Variants in GPD2 observed in about 807,000 individuals in gnomAD.
The protein encoded by GPD2 is glycerol-3-phosphate dehydrogenase, mitochondrial.
Under a neutral mutation model 82.4 loss-of-function variants are expected in GPD2, and 54 were observed. The observed-to-expected ratio is 0.66, with a 90% CI of 0.53 to 0.82. The LOEUF is 0.82. Ranked by LOEUF, GPD2 falls within the 40% of genes least tolerant of loss-of-function variation. GPD2 has a pLI of 0.00. For missense variants in GPD2, 748 were observed against 896.2 expected, an observed-to-expected ratio of 0.83 and a Z score of 2.11; for synonymous variants, 288 against 306.1, an observed-to-expected ratio of 0.94 and a Z score of 0.62.
At chr2:156,401,484 G>A in the GPD2 span, among the ~76,000 whole-genome samples, 1 of 152,134 alleles carries the variant, frequency 6.6e-6, no homozygotes, top group Non-Finnish European at 1.5e-5. Context: ...CAATCACCTA[G>A]CCTATCTTCA....
At chr2:156,568,990 CTTT>C (rs36082652) in intron 10 of GPD2, 31 bp downstream of exon 10, 3,460 of 1,242,850 alleles carry the variant, frequency 2.8e-3, no homozygotes, top group Non-Finnish European at 3.1e-3. Context: ...ATTTTCTTTT[CTTT>C]TTTTTTTTTT....
rs1558967424 is a variant in GPD2, at chr2:156,570,230, G to A, written c.1608+12G>A. On this transcript the variant is annotated intron_variant, in intron 12 of 16. Coordinates refer to ENST00000438166, the MANE Select transcript of GPD2 (RefSeq NM_000408.5). ...ATATTGAAGCAGAGGTATGTGAATGGTCACATAGGAATTTCATGTCTGCCA... is the reference window on the plus strand; with the variant it reads ...ATATTGAAGCAGAGGTATGTGAATGATCACATAGGAATTTCATGTCTGCCA... 5 of 1,607,316 alleles carry A rather than the reference G, an allele frequency of 3.1e-6. 1 individual carries two copies. Among genetic ancestry groups the A allele is most frequent in the South Asian group, 2.2e-5 (2 of 90,940 alleles).
intron 1 of GPD2, among the ~76,000 whole-genome samples, chr2:156,450,214 G>A (rs751659445): frequency 2.1e-4 from 32 of 152,210 alleles, no homozygotes; most frequent in Non-Finnish European, 3.8e-4. Context: ...GATATAAAGT[G>A]TTCTGCTTTG....
At chr2:156,467,158 CT>C (rs1027671097) in intron 1 of GPD2, among the ~76,000 whole-genome samples, 6 of 151,108 alleles carry the variant, frequency 4.0e-5, no homozygotes, top group African/African-American at 1.5e-4. Context: ...AAATTGTTTA[CT>C]TTCTCTTGGG....
chr2:156,504,394 A>C (rs914030676), intron 3 of GPD2, among the ~76,000 whole-genome samples: 1 of 146,692 alleles, frequency 6.8e-6, no homozygotes, highest in African/African-American at 2.5e-5. Context: ...ACTCACCTTT[A>C]AAAAAAAAAA....
chr2:156,476,332 G>A (rs955778162), intron 2 of GPD2, 125 bp downstream of exon 2: 9 of 706,328 alleles, frequency 1.3e-5, no homozygotes, highest in African/African-American at 5.3e-5. Context: ...AGTTTGATCT[G>A]AAAGATACTA....
At chr2:156,542,776 T>C (rs1460390027) in intron 6 of GPD2, among the ~76,000 whole-genome samples, 1 of 152,206 alleles carries the variant, frequency 6.6e-6, no homozygotes, top group East Asian at 1.9e-4. Flanking sequence ...CTTGCTTAAC[T>C]TGAACACTTT....
chr2:156,530,069 G>A (rs1685787927), intron 6 of GPD2, among the ~76,000 whole-genome samples: 1 of 149,300 alleles, frequency 6.7e-6, no homozygotes, highest in Non-Finnish European at 1.5e-5. Flanking sequence ...TCCTACCCAT[G>A]AGCATGGAAT....
At chr2:156,512,871 A>G (rs1419561379) in intron 5 of GPD2, among the ~76,000 whole-genome samples, 1 of 152,194 alleles carries the variant, frequency 6.6e-6, no homozygotes, top group African/African-American at 2.4e-5. Flanking sequence ...TAGATTATGT[A>G]ACTCTTTTAG....
chr2:156,454,188 C>T (rs1682713189), intron 1 of GPD2, among the ~76,000 whole-genome samples: 1 of 152,098 alleles, frequency 6.6e-6, no homozygotes, highest in Non-Finnish European at 1.5e-5. Context: ...GAAATGGTAA[C>T]CTGCTGATGT....
intron 2 of GPD2, among the ~76,000 whole-genome samples, chr2:156,482,175 T>C (rs953027648): frequency 2.0e-5 from 3 of 152,234 alleles, no homozygotes; most frequent in African/African-American, 7.2e-5. Flanking sequence ...ACGGATACTT[T>C]GTTAAAACTT....
At chr2:156,517,833 A>G (rs745937567) in intron 6 of GPD2, among the ~76,000 whole-genome samples, 6 of 152,130 alleles carry the variant, frequency 3.9e-5, no homozygotes, top group Non-Finnish European at 8.8e-5. Context: ...AATCTAGTAC[A>G]CAGAAAATGA....
chr2:156,463,281 A>ATT (rs200512031), intron 1 of GPD2, among the ~76,000 whole-genome samples: 1 of 150,786 alleles, frequency 6.6e-6, no homozygotes, highest in African/African-American at 2.4e-5. Context: ...AGAATACAGA[A>ATT]TTTTTTTTTT....
chr2:156,488,073 G>A (rs1684011338), intron 2 of GPD2, among the ~76,000 whole-genome samples: 1 of 152,184 alleles, frequency 6.6e-6, no homozygotes, highest in Non-Finnish European at 1.5e-5. Context: ...TACCCCAGAA[G>A]GATGGGCTCC....
chr2:156,550,743 A>G lies in GPD2; in HGVS notation c.968A>G (p.Tyr323Cys), dbSNP rs1376204781. ...AGVHIVMPGY[Y>C]SPESMGLLDP... The stretch of plus-strand genomic sequence containing the variant: ...GTCCATATTGTGATGCCTGGTTATT[A>G]CAGGTAATTGTCTTCCAATGTGGCA... The change falls in exon 8 of 17, where the codon TAC becomes TGC. Residue 323 changes from tyrosine to cysteine, a missense_variant. Tyr to Cys is a radical substitution (Grantham distance 194, BLOSUM62 -2). Coordinates refer to ENST00000438166, the MANE Select transcript of GPD2 (RefSeq NM_000408.5). 1 of 1,613,194 alleles carries G rather than the reference A, an allele frequency of 6.2e-7. No homozygotes were observed. The highest frequency in any genetic ancestry group is 1.1e-5 in the South Asian group (1 of 91,050).
intron 1 of GPD2, 36 bp from the exon 2 acceptor site, chr2:156,476,062 A>G: frequency 9.5e-7 from 1 of 1,052,286 alleles, no homozygotes; most frequent in Non-Finnish European, 1.5e-6. Context: ...TAACTATCCC[A>G]ATTAACTTCT....
intron 6 of GPD2, among the ~76,000 whole-genome samples, chr2:156,521,438 G>A (rs1685403792): frequency 6.6e-6 from 1 of 152,160 alleles, no homozygotes; most frequent in Non-Finnish European, 1.5e-5. Flanking sequence ...TTCACAGGCT[G>A]TTTTGATATT....
chr2:156,516,756 C>T (rs545021241), intron 6 of GPD2, among the ~76,000 whole-genome samples: 2 of 152,334 alleles, frequency 1.3e-5, no homozygotes, highest in South Asian at 4.1e-4. Flanking sequence ...ATCAAATGAA[C>T]ATTTAATGCT....
At chr2:156,490,170 G>A (rs1684123371) in intron 2 of GPD2, among the ~76,000 whole-genome samples, 1 of 152,098 alleles carries the variant, frequency 6.6e-6, no homozygotes, top group South Asian at 2.1e-4. Flanking sequence ...GTTGTTACCT[G>A]TTTTATTCTT....
Sources: allele counts gnomAD v4.1 joint callset (sites outside exome capture counted in the v4.1 genomes callset), GRCh38; gene constraint gnomAD v4.1.1; transcripts MANE v1.5; gene names NCBI Gene and HGNC (gene_info 2026-07-23, HGNC 2026-07-21).